The following RAB38 variants were observed in gnomAD, a reference collection of about 807,000 sequenced individuals.
The protein encoded by RAB38 is ras-related protein Rab-38.
Under a neutral mutation model 18.4 loss-of-function variants are expected in RAB38, and 15 were observed. That is an observed-to-expected ratio of 0.82 (90% CI 0.55 to 1.26). The LOEUF (loss-of-function observed/expected upper bound fraction) is 1.26. RAB38 is among the 50% of genes most tolerant of loss of function. The pLI is 0.00. For synonymous variants in RAB38, 101 were observed against 104.4 expected (o/e 0.97, Z 0.20); for missense variants, 294 against 267.4 (o/e 1.10, Z -0.69).
chr11:88,125,464 T>C (rs1942683706), intron 2 of RAB38, among the ~76,000 whole-genome samples: 1 of 152,236 alleles, frequency 6.6e-6, no homozygotes, highest in Non-Finnish European at 1.5e-5. Flanking sequence ...AATTTTTGGA[T>C]GAAGTTCAGT....
chr11:87,808,097 C>T, the RAB38 span, among the ~76,000 whole-genome samples: 1 of 152,112 alleles, frequency 6.6e-6, no homozygotes, highest in Non-Finnish European at 1.5e-5. Context: ...CACACTTGCA[C>T]ATTATTGGTA....
intron 2 of RAB38, among the ~76,000 whole-genome samples, chr11:88,114,757 C>T (rs913686841): frequency 1.3e-5 from 2 of 152,196 alleles, no homozygotes; most frequent in Non-Finnish European, 2.9e-5. Context: ...TTCTGTTTCT[C>T]CCTGTGGAAG....
At chr11:87,889,522 A>G in the RAB38 span, among the ~76,000 whole-genome samples, 118 of 151,892 alleles carry the variant, frequency 7.8e-4, no homozygotes, top group Non-Finnish European at 1.4e-3. Context: ...ATGATCAGTA[A>G]TAATAATGAT....
At chr11:87,949,023 C>CT in the RAB38 span, among the ~76,000 whole-genome samples, 1 of 151,964 alleles carries the variant, frequency 6.6e-6, no homozygotes, top group East Asian at 1.9e-4. Flanking sequence ...TGGTCCTGGA[C>CT]TTTTTTTGGT....
chr11:87,816,193 A>G, the RAB38 span: 2 of 152,360 alleles, frequency 1.3e-5, no homozygotes, highest in South Asian at 2.1e-4. Flanking sequence ...TTTTCATACC[A>G]TTAGTCATGG....
At chr11:87,829,285 G>A in the RAB38 span, among the ~76,000 whole-genome samples, 1 of 152,160 alleles carries the variant, frequency 6.6e-6, no homozygotes, top group Non-Finnish European at 1.5e-5. Flanking sequence ...TTAGCATTAA[G>A]CAATATACCC....
At chr11:87,960,535 A>G in the RAB38 span, among the ~76,000 whole-genome samples, 1 of 152,266 alleles carries the variant, frequency 6.6e-6, no homozygotes, top group Admixed American at 6.5e-5. Flanking sequence ...CACTGTTTTC[A>G]TTATCAGATT....
chr11:88,093,546 T>C, the RAB38 span, among the ~76,000 whole-genome samples: 1 of 151,960 alleles, frequency 6.6e-6, no homozygotes, highest in Non-Finnish European at 1.5e-5. Flanking sequence ...CTTTTGTTCA[T>C]TGAAATCTTT....
the RAB38 span, among the ~76,000 whole-genome samples, chr11:88,070,207 C>T: frequency 6.6e-6 from 1 of 152,180 alleles, no homozygotes. Context: ...ACCACAAACC[C>T]ACTAGGAGGA....
chr11:87,851,067 A>C, the RAB38 span, among the ~76,000 whole-genome samples: 2 of 152,226 alleles, frequency 1.3e-5, no homozygotes, highest in East Asian at 3.9e-4. Flanking sequence ...AGGCATTCAC[A>C]CAGAATGCTG....
chr11:87,835,182 G>A, the RAB38 span, among the ~76,000 whole-genome samples: 152 of 152,270 alleles, frequency 1.0e-3, no homozygotes, highest in African/African-American at 3.5e-3. Flanking sequence ...GAAAAGCTGG[G>A]GAACTACACT....
chr11:87,893,384 A>ATGTGTG, the RAB38 span, among the ~76,000 whole-genome samples: 23 of 50,626 alleles, frequency 4.5e-4, no homozygotes, highest in East Asian at 0.012. Context: ...ATATATATAT[A>ATGTGTG]TATATATTTT....
the RAB38 span, among the ~76,000 whole-genome samples, chr11:87,963,537 G>A: frequency 6.6e-5 from 10 of 151,884 alleles, no homozygotes; most frequent in East Asian, 1.9e-4. Flanking sequence ...TTTAACCACC[G>A]CACTAACAAA....
chr11:88,119,883 A>C (rs1416239717), intron 2 of RAB38, among the ~76,000 whole-genome samples: 1 of 152,174 alleles, frequency 6.6e-6, no homozygotes, highest in Non-Finnish European at 1.5e-5. Flanking sequence ...CACTGTACAA[A>C]AAGTATTACA....
At chr11:87,968,554 G>A in the RAB38 span, among the ~76,000 whole-genome samples, 1 of 113,622 alleles carries the variant, frequency 8.8e-6, no homozygotes, top group Non-Finnish European at 2.2e-5. Context: ...CAAGTGTACA[G>A]ATACAGACAA....
At chr11:87,830,570 T>C in the RAB38 span, among the ~76,000 whole-genome samples, 1 of 151,872 alleles carries the variant, frequency 6.6e-6, no homozygotes, top group Admixed American at 6.6e-5. Context: ...CTTACATGAA[T>C]TACCTTATTT....
chr11:88,029,448 A>G, the RAB38 span, among the ~76,000 whole-genome samples: 3 of 152,188 alleles, frequency 2.0e-5, no homozygotes, highest in South Asian at 2.1e-4. Context: ...TTGGATAAAG[A>G]GTCAAGACCC....
chr11:87,971,364 G>T, the RAB38 span, among the ~76,000 whole-genome samples: 18,018 of 152,044 alleles, frequency 0.12, 1,750 homozygotes, highest in East Asian at 0.37. Context: ...TTATCTTGTT[G>T]AAATAAAGTC....
chr11:88,025,237 C>G, the RAB38 span, among the ~76,000 whole-genome samples: 7 of 150,610 alleles, frequency 4.6e-5, no homozygotes, highest in African/African-American at 1.7e-4. Flanking sequence ...ATGTATATAA[C>G]TATATATATT....
Sources: allele counts gnomAD v4.1 joint callset (sites outside exome capture counted in the v4.1 genomes callset), GRCh38; gene constraint gnomAD v4.1.1; transcripts MANE v1.5; gene names NCBI Gene and HGNC (gene_info 2026-07-23, HGNC 2026-07-21).